Variants in COQ5 observed in about 807,000 individuals in gnomAD.
COQ5 encodes coenzyme Q5, methyltransferase.
In COQ5, 27 loss-of-function variants were observed where a neutral mutation model predicts 40.5. The observed-to-expected ratio is 0.67, with a 90% CI of 0.49 to 0.92. The LOEUF (loss-of-function observed/expected upper bound fraction) is 0.92. COQ5 is among the 40% of genes least tolerant of loss of function. COQ5 has a pLI of 0.00. For synonymous variants in COQ5, 141 were observed against 150.0 expected (o/e 0.94, Z 0.44); for missense variants, 409 against 406.4 (o/e 1.01, Z -0.06).
chr12:120,523,625 G>A (rs1460231016), intron 1 of COQ5, among the ~76,000 whole-genome samples: 1 of 152,140 alleles, frequency 6.6e-6, no homozygotes, highest in Non-Finnish European at 1.5e-5. Flanking sequence ...CCATATACCT[G>A]GTACTAAATA....
chr12:120,505,974 G>A (rs1868866461), intron 4 of COQ5, among the ~76,000 whole-genome samples: 1 of 151,986 alleles, frequency 6.6e-6, no homozygotes, highest in African/African-American at 2.4e-5. Flanking sequence ...TCTTGCCTCA[G>A]ACTCCCAGGT....
At chr12:120,523,019 C>A in intron 1 of COQ5, 1 of 514,628 alleles carries the variant, frequency 1.9e-6, no homozygotes, top group South Asian at 4.1e-5. Flanking sequence ...GGTCCACTCC[C>A]TTAAGAGATT....
At chr12:120,520,309 TTTTTA>T (rs1376147818) in intron 2 of COQ5, among the ~76,000 whole-genome samples, 1 of 147,902 alleles carries the variant, frequency 6.8e-6, no homozygotes, top group African/African-American at 2.5e-5. Flanking sequence ...TTGCCGGCTA[TTTTTA>T]TTTTATTTTA....
intron 1 of COQ5, 146 bp from the exon 2 acceptor site, chr12:120,522,509 A>T: frequency 1.3e-6 from 1 of 747,604 alleles, no homozygotes; most frequent in Non-Finnish European, 2.3e-6. Context: ...GCCCAAATCT[A>T]CACCTTAACA....
At position 120,517,517 on chromosome 12, in the gene COQ5, A is replaced by AC. The variant is rs552770252; in HGVS notation, c.353-730_353-729insG. ...AACCCCGTCTCTACTAAAAAAATAC[A>AC]AAAAAAAAAAAAAAATTAGCCAGGC... On this transcript the variant is annotated intron_variant, in intron 2 of 6. Coordinates refer to ENST00000288532, the MANE Select transcript of COQ5 (RefSeq NM_032314.4). 9.7e-4 allele frequency among the ~76,000 whole-genome samples: 31 copies of AC among 32,104 alleles called. No homozygotes were observed. In the Admixed American group the frequency reaches 0.011, roughly 11 times the overall value. 21.1% of individuals were successfully genotyped at this position (32,104 alleles called of 152,430 possible). A position where few individuals can be genotyped will look rare whatever the true frequency, so the allele number is the denominator to read the frequency against.
At chr12:120,525,632 T>G (rs1869898256) in intron 1 of COQ5, among the ~76,000 whole-genome samples, 1 of 151,692 alleles carries the variant, frequency 6.6e-6, no homozygotes, top group African/African-American at 2.4e-5. Context: ...GTCTCAAAAA[T>G]AAATAAACAA....
Position 120,509,985 on chromosome 12 carries a change from G to A in COQ5, c.681+32C>T, listed in dbSNP as rs4766968. 2.0e-6 allele frequency: 3 copies of A among 1,519,510 alleles called. No homozygotes were observed. In the South Asian group the frequency reaches 3.4e-5, roughly 17 times the overall value. 94.1% of individuals were successfully genotyped at this position (1,519,510 alleles called of 1,614,324 possible). ...CTACAACAGAGGTAATTTCCTGAGA[G>A]TCATACAAGCTGAGGATGCAGCCAT... On this transcript the variant is annotated intron_variant, in intron 4 of 6. Transcript: ENST00000288532.
chr12:120,514,414 C>T (rs1869283306), intron 3 of COQ5, among the ~76,000 whole-genome samples: 2 of 151,960 alleles, frequency 1.3e-5, no homozygotes, highest in Admixed American at 1.3e-4. Context: ...ATCTGTGGTC[C>T]CTGGCCAGCA....
rs775225793 is a variant in COQ5 at position 120,503,986 on chromosome 12, C to A, written c.866G>T (p.Arg289Leu). ...GTTTCATACCTGAGACGGAAACCTT[C>A]GGATACTCTCTACAAGGTACTGATA... ...KSYQYLVESI[R>L]RFPSQEEFKD... Residue 289 changes from arginine to leucine, a missense_variant, in exon 6 of 7, where the codon CGA (arginine) becomes CTA (leucine). By Grantham distance (102) the Arg-to-Leu change is moderately radical (BLOSUM62 -2). Transcript: ENST00000288532. 2 of 1,612,038 alleles carry A rather than the reference C, an allele frequency of 1.2e-6. No individual in the cohort carries two copies.
chr12:120,507,575 C>T lies in COQ5; in HGVS notation c.681+2442G>A, dbSNP rs943190373. 4.0e-5 allele frequency among the ~76,000 whole-genome samples: 6 copies of T among 150,282 alleles called. No individual in the cohort carries two copies. The East Asian group carries it at 1.0e-3, about 25-fold the overall frequency. ...CTGGGATTACAGGTGTGAGCCACCACGCCCGGCCTCTATTCAACTATTTTA... is the reference window on the plus strand; with the variant it reads ...CTGGGATTACAGGTGTGAGCCACCATGCCCGGCCTCTATTCAACTATTTTA... On this transcript the variant is annotated intron_variant, in intron 4 of 6. Coordinates refer to ENST00000288532, the MANE Select transcript of COQ5 (RefSeq NM_032314.4).
Position 120,523,916 on chromosome 12 carries a change from A to T in COQ5, c.203-1553T>A, listed in dbSNP as rs1299983152. The stretch of plus-strand genomic sequence containing the variant: ...TCCCAGCTACTCGGGTGGTTGGGGC[A>T]GGAGAATCACTGGAACCTGGAAGGT... On this transcript the variant is annotated intron_variant, in intron 1 of 6. Coordinates refer to ENST00000288532, the MANE Select transcript of COQ5 (RefSeq NM_032314.4). 7.1e-6 allele frequency: 3 copies of T among 420,986 alleles called. No homozygotes were observed. In the Admixed American group the frequency reaches 7.8e-5, roughly 11 times the overall value. The allele number at this position is 420,986 out of a possible 1,614,324, so 26.1% of individuals were successfully genotyped here.
chr12:120,516,979 G>A (rs1012803249), intron 2 of COQ5, among the ~76,000 whole-genome samples, 191 bp from the exon 3 acceptor site: 13 of 152,202 alleles, frequency 8.5e-5, no homozygotes, highest in African/African-American at 2.7e-4. Context: ...CATCACCCTA[G>A]CTGGAGTGCA....
At chr12:120,518,338 A>G (rs1012192364) in intron 2 of COQ5, among the ~76,000 whole-genome samples, 2 of 150,434 alleles carry the variant, frequency 1.3e-5, no homozygotes, top group Non-Finnish European at 3.0e-5. Flanking sequence ...TGAGATGGGA[A>G]GATTACTTGA....
chr12:120,525,339 T>C (rs1032197561), intron 1 of COQ5, among the ~76,000 whole-genome samples: 2 of 151,966 alleles, frequency 1.3e-5, no homozygotes, highest in South Asian at 4.2e-4. Context: ...CCTCATGATC[T>C]GCCCACCTCA....
At chr12:120,528,248 A>C (rs1593028724) in intron 1 of COQ5, among the ~76,000 whole-genome samples, 2 of 151,470 alleles carry the variant, frequency 1.3e-5, no homozygotes, top group South Asian at 2.1e-4. Flanking sequence ...AACCAAAAAA[A>C]CCCCTATTTT....
At chr12:120,528,798 C>T (rs894268702) in intron 1 of COQ5, 142 bp downstream of exon 1, 64 of 783,112 alleles carry the variant, frequency 8.2e-5, no homozygotes, top group Non-Finnish European at 1.3e-4. Context: ...GAGCGAAATT[C>T]TGTCTCCAAA....
At chr12:120,522,905 A>G (rs1869741045) in intron 1 of COQ5, 3 of 715,826 alleles carry the variant, frequency 4.2e-6, no homozygotes, top group Non-Finnish European at 7.5e-6. Context: ...GGGCCTTGAT[A>G]GCGTCAGCAC....
At chr12:120,510,897 A>C (rs1020251462) in intron 3 of COQ5, among the ~76,000 whole-genome samples, 2 of 152,166 alleles carry the variant, frequency 1.3e-5, no homozygotes, top group Admixed American at 1.3e-4. Context: ...AAAATACAAA[A>C]AGAAGACTGT....
At chr12:120,517,089 G>T (rs1252109506) in intron 2 of COQ5, among the ~76,000 whole-genome samples, 1 of 152,028 alleles carries the variant, frequency 6.6e-6, no homozygotes, top group East Asian at 1.9e-4. Context: ...GCTCATGCCT[G>T]CAATCTCAGC....
Sources: allele counts gnomAD v4.1 joint callset (sites outside exome capture counted in the v4.1 genomes callset), GRCh38; gene constraint gnomAD v4.1.1; transcripts MANE v1.5; gene names NCBI Gene and HGNC (gene_info 2026-07-23, HGNC 2026-07-21).